GUCY1A2: variants seen among roughly 807,000 people sequenced by gnomAD.
The protein encoded by GUCY1A2 is guanylate cyclase soluble subunit alpha-2.
Under a neutral mutation model 63.5 loss-of-function variants are expected in GUCY1A2, and 27 were observed. The observed-to-expected ratio is 0.43, with a 90% CI of 0.31 to 0.59. The LOEUF is 0.59. Ranked by LOEUF, GUCY1A2 falls within the 20% of genes least tolerant of loss-of-function variation. The pLI, the probability that GUCY1A2 is intolerant of heterozygous loss-of-function variation, is 0.11. For missense variants in GUCY1A2, 768 were observed against 913.3 expected (o/e 0.84, Z 2.05); for synonymous variants, 364 against 343.5 (o/e 1.06, Z -0.66).
At chr11:106,883,610 T>C (rs918140196) in intron 4 of GUCY1A2, among the ~76,000 whole-genome samples, 1 of 152,146 alleles carries the variant, frequency 6.6e-6, no homozygotes, top group African/African-American at 2.4e-5. Flanking sequence ...GATAATTACA[T>C]TTAGGTCTAA....
At chr11:107,011,689 C>T (rs1467981844) in intron 1 of GUCY1A2, among the ~76,000 whole-genome samples, 1 of 147,362 alleles carries the variant, frequency 6.8e-6, no homozygotes, top group African/African-American at 2.5e-5. Context: ...CTAATAATCA[C>T]TGATGTCATT....
At chr11:106,799,838 C>T (rs1402884351) in intron 5 of GUCY1A2, among the ~76,000 whole-genome samples, 1 of 152,142 alleles carries the variant, frequency 6.6e-6, no homozygotes, top group African/African-American at 2.4e-5. Context: ...TGGGCAAGGA[C>T]TTCATGTCTA....
intron 4 of GUCY1A2, among the ~76,000 whole-genome samples, chr11:106,838,185 A>G (rs61902969): frequency 0.023 from 3,491 of 152,054 alleles, 66 homozygotes; most frequent in Middle Eastern, 0.068. Context: ...ATGGCTTTGC[A>G]CAAGACTTTC....
intron 5 of GUCY1A2, among the ~76,000 whole-genome samples, chr11:106,800,994 G>C (rs1176712868): frequency 6.6e-6 from 1 of 152,048 alleles, no homozygotes; most frequent in Non-Finnish European, 1.5e-5. Context: ...ATATGCTTCT[G>C]CCAGTCTATT....
At chr11:106,998,052 G>C (rs1314541149) in intron 1 of GUCY1A2, among the ~76,000 whole-genome samples, 1 of 152,020 alleles carries the variant, frequency 6.6e-6, no homozygotes, top group African/African-American at 2.4e-5. Flanking sequence ...GCAAAGTCCT[G>C]GCTTTTCAAA....
intron 3 of GUCY1A2, among the ~76,000 whole-genome samples, chr11:106,949,671 C>T (rs1016592056): frequency 6.6e-6 from 1 of 152,080 alleles, no homozygotes; most frequent in African/African-American, 2.4e-5. Context: ...AATCCCTCAA[C>T]CAGACTTAAC....
intron 4 of GUCY1A2, among the ~76,000 whole-genome samples, chr11:106,861,914 T>C (rs988874188): frequency 6.6e-6 from 1 of 152,040 alleles, no homozygotes; most frequent in African/African-American, 2.4e-5. Context: ...AAAACTCTGA[T>C]AAACTAATGG....
At chr11:106,824,340 C>T (rs959431804) in intron 4 of GUCY1A2, among the ~76,000 whole-genome samples, 1 of 152,132 alleles carries the variant, frequency 6.6e-6, no homozygotes, top group African/African-American at 2.4e-5. Flanking sequence ...ATATAGTTTT[C>T]TGTAAAGATA....
At chr11:106,986,365 G>A (rs187363216) in intron 1 of GUCY1A2, among the ~76,000 whole-genome samples, 281 of 152,242 alleles carry the variant, frequency 1.8e-3, no homozygotes, top group Admixed American at 3.2e-3. Flanking sequence ...TCCTAGGAAT[G>A]TTTTCTTCAA....
intron 3 of GUCY1A2, among the ~76,000 whole-genome samples, chr11:106,958,611 TAA>T (rs35988321): frequency 0.02 from 2,828 of 142,930 alleles, 32 homozygotes; most frequent in Non-Finnish European, 0.028. Context: ...CTGTTTAATA[TAA>T]AAAAAAAAAA....
intron 1 of GUCY1A2, among the ~76,000 whole-genome samples, chr11:106,987,711 A>C (rs1861420420): frequency 6.6e-6 from 1 of 151,448 alleles, no homozygotes; most frequent in African/African-American, 2.4e-5. Context: ...GACCCACTCC[A>C]TGTCCACCTC....
chr11:106,728,584 C>T (rs1565271254), intron 6 of GUCY1A2, among the ~76,000 whole-genome samples: 1 of 152,190 alleles, frequency 6.6e-6, no homozygotes, highest in South Asian at 2.1e-4. Flanking sequence ...AAATCACTGA[C>T]TAGCTCTCTA....
intron 1 of GUCY1A2, among the ~76,000 whole-genome samples, chr11:106,991,340 G>A (rs1861468208): frequency 6.6e-6 from 1 of 152,008 alleles, no homozygotes; most frequent in South Asian, 2.1e-4. Context: ...ATCTATCAAG[G>A]TCAGAAACTA....
In GUCY1A2 at chr11:106,800,897, G is replaced by A. The variant is rs1003459358; in HGVS notation, c.1692+9096C>T. Among the ~76,000 whole-genome samples, 128 of 150,374 alleles carry A rather than the reference G, an allele frequency of 8.5e-4. 2 individuals carry two copies. Among genetic ancestry groups the A allele is most frequent in the Non-Finnish European group, 2.4e-4 (16 of 67,470 alleles). On this transcript the variant is annotated intron_variant, in intron 5 of 7. Coordinates refer to ENST00000526355, the MANE Select transcript of GUCY1A2 (RefSeq NM_000855.3). Reference sequence around the variant, plus strand: ...GAACTTAAAGTATAAAAAAAAAAAAGAATCTCATAGAATCAGGGGACCTAC... The same window carrying A: ...GAACTTAAAGTATAAAAAAAAAAAAAAATCTCATAGAATCAGGGGACCTAC...
At chr11:106,734,333 G>T (rs536924873) in intron 6 of GUCY1A2, among the ~76,000 whole-genome samples, 2 of 152,138 alleles carry the variant, frequency 1.3e-5, no homozygotes, top group South Asian at 4.2e-4. Context: ...TCATGCCTCT[G>T]CCCTTAGCCT....
chr11:106,922,693 ATATATATATATATATATATATATG>A (rs1185300475), intron 4 of GUCY1A2, among the ~76,000 whole-genome samples: 6 of 16,854 alleles, frequency 3.6e-4, no homozygotes, highest in Admixed American at 9.0e-4. Context: ...ATATATATAT[ATATATATATATATATATATATATG>A]TACTCACAAT....
intron 3 of GUCY1A2, among the ~76,000 whole-genome samples, chr11:106,971,989 G>A (rs541661344): frequency 1.6e-4 from 25 of 152,226 alleles, no homozygotes; most frequent in African/African-American, 6.0e-4. Flanking sequence ...TCAGGCCAAT[G>A]ATGGGCATAT....
intron 6 of GUCY1A2, among the ~76,000 whole-genome samples, chr11:106,711,392 G>T (rs1397542867): frequency 6.6e-6 from 1 of 152,118 alleles, no homozygotes; most frequent in Non-Finnish European, 1.5e-5. Context: ...TATTAATTAA[G>T]AAACAATTGG....
At position 106,923,988 on chromosome 11, in the gene GUCY1A2, T is replaced by A. The variant is rs192433498; in HGVS notation, c.1206+15472A>T. Among the ~76,000 whole-genome samples the A allele has an allele frequency of 2.2e-4, 34 of 152,296 alleles. No homozygotes were observed. In the East Asian group the frequency reaches 6.4e-3, roughly 28 times the overall value. ...AAACCAAAATTATAAGAATAAAATA[T>A]ATATTCTTAAATCTTTGACGAATGT... On this transcript the variant is annotated intron_variant, in intron 4 of 7. Coordinates refer to ENST00000526355, the MANE Select transcript of GUCY1A2 (RefSeq NM_000855.3).
Sources: allele counts gnomAD v4.1 joint callset (sites outside exome capture counted in the v4.1 genomes callset), GRCh38; gene constraint gnomAD v4.1.1; transcripts MANE v1.5; gene names NCBI Gene and HGNC (gene_info 2026-07-23, HGNC 2026-07-21).